DIPK1B: variants seen among roughly 807,000 people sequenced by gnomAD.
DIPK1B encodes the protein family with sequence similarity 69 member B.
In DIPK1B, 17 loss-of-function variants were observed where a neutral mutation model predicts 20.7. That is an observed-to-expected ratio of 0.82 (90% CI 0.56 to 1.23). DIPK1B has a LOEUF of 1.23. DIPK1B is among the 50% of genes most tolerant of loss of function. The pLI is 0.00. For synonymous variants in DIPK1B, 343 were observed against 276.5 expected (o/e 1.24, Z -2.39); for missense variants, 648 against 601.8 (o/e 1.08, Z -0.80).
chr9:136,717,564 C>T lies in DIPK1B; in HGVS notation c.64-13C>T, dbSNP rs1420446415. ...CCCGAGGGCACCTCCTCACGCAGCC[C>T]CTTCCCCCACAGGGCCGGCTCCCAG... On this transcript the variant is annotated splice_polypyrimidine_tract_variant and intron_variant, in intron 1 of 4. Transcript: ENST00000371692. 1.1e-5 allele frequency: 18 copies of T among 1,596,800 alleles called. No individual in the cohort carries two copies. The highest frequency in any genetic ancestry group is 4.0e-5 in the African/African-American group (3 of 74,882).
chr9:136,717,753 C>T, intron 2 of DIPK1B, 42 bp downstream of exon 2: 3 of 1,605,772 alleles, frequency 1.9e-6, no homozygotes, highest in Non-Finnish European at 2.5e-6. Context: ...GCCGTGCCCC[C>T]TGCTGCCCAA....
At chr9:136,715,462 G>C (rs761646063) in intron 1 of DIPK1B, among the ~76,000 whole-genome samples, 14 of 152,228 alleles carry the variant, frequency 9.2e-5, no homozygotes, top group Admixed American at 5.2e-4. Flanking sequence ...CCTAAAAGCC[G>C]GCTCCCAGAC....
In DIPK1B at chr9:136,723,139, C is replaced by T. The variant is rs35064056; in HGVS notation, c.661C>T (p.Leu221=). Reference sequence around the variant, plus strand: ...GCAGGAGAAGGAGCACGCCTCCAGACTGCTGGGCTACTGTGGGGACCTCTA... The same window carrying T: ...GCAGGAGAAGGAGCACGCCTCCAGATTGCTGGGCTACTGTGGGGACCTCTA... ...SLQEKEHASR[L]LGYCGDLYLT... is the part of the protein sequence containing the mutation. Residue 221 remains leucine (L), a synonymous_variant, in exon 5 of 5, where the codon CTG becomes TTG. Transcript: ENST00000371692. 1.4e-3 allele frequency: 2,190 copies of T among 1,613,532 alleles called. 21 individuals are homozygous for T. In the African/African-American group the frequency reaches 0.026, roughly 19 times the overall value.
intron 2 of DIPK1B, among the ~76,000 whole-genome samples, chr9:136,717,950 A>G (rs1588282105): frequency 1.8e-5 from 1 of 54,808 alleles, no homozygotes; most frequent in African/African-American, 7.5e-5. Context: ...GGTCCAGAGG[A>G]GGATGGGGGA....
intron 1 of DIPK1B, among the ~76,000 whole-genome samples, chr9:136,714,202 G>C (rs145570322): frequency 1.4e-3 from 210 of 152,328 alleles, no homozygotes; most frequent in African/African-American, 5.0e-3. Context: ...GCTGGGCAAG[G>C]TGGCTCCTGC....
chr9:136,718,917 G>A (rs1456566114), intron 2 of DIPK1B, among the ~76,000 whole-genome samples: 1 of 152,172 alleles, frequency 6.6e-6, no homozygotes, highest in Non-Finnish European at 1.5e-5. Context: ...CTGTGCCCAG[G>A]ACTTGTTTGG....
rs1564310152 is a variant in DIPK1B at position 136,721,942 on chromosome 9, A to G, written c.220A>G (p.Ile74Val). 1 of 1,612,990 alleles carries G rather than the reference A, an allele frequency of 6.2e-7. No individual in the cohort carries two copies. The change falls in exon 3 of 5, where the codon ATC becomes GTC. Residue 74 changes from isoleucine (I) to valine (V), a missense_variant. Physicochemically the swap from Ile to Val is conservative, Grantham distance 29. Coordinates refer to ENST00000371692, the MANE Select transcript of DIPK1B (RefSeq NM_152421.4). Reference sequence around the variant, plus strand: ...TCAGTGTGACCAGTACCGCAAGGGGATCATCTCGGGCTCCGTCTGCCAGGA... The same window carrying G: ...TCAGTGTGACCAGTACCGCAAGGGGGTCATCTCGGGCTCCGTCTGCCAGGA... ...VVICDQYRKG[I>V]ISGSVCQDLC...
At chr9:136,719,091 G>T (rs1222158622) in intron 2 of DIPK1B, among the ~76,000 whole-genome samples, 6 of 148,882 alleles carry the variant, frequency 4.0e-5, no homozygotes, top group African/African-American at 1.5e-4. Flanking sequence ...TGCACCCCTG[G>T]AGCTCCTAGA....
rs1321006515 is a variant in DIPK1B at position 136,724,559 on chromosome 9, G to T, written c.*785G>T. On this transcript the variant is annotated 3_prime_UTR_variant, in exon 5 of 5. Coordinates refer to ENST00000371692, the MANE Select transcript of DIPK1B (RefSeq NM_152421.4). Reference sequence around the variant, plus strand: ...ACAGCAACACCTTTCTTCAGGGCGGGCTCTGCTCCGCAATGTGTGAGTCAA... The same window carrying T: ...ACAGCAACACCTTTCTTCAGGGCGGTCTCTGCTCCGCAATGTGTGAGTCAA... 1 of 152,254 alleles carries T rather than the reference G, an allele frequency of 6.6e-6. No individual in the cohort carries two copies. Among genetic ancestry groups the T allele is most frequent in the African/African-American group, 2.4e-5 (1 of 41,438 alleles). 9.4% of individuals were successfully genotyped at this position (152,254 alleles called of 1,614,324 possible). A position where few individuals can be genotyped will look rare whatever the true frequency, so the allele number is the denominator to read the frequency against.
rs768332470 is a variant in DIPK1B at position 136,722,974 on chromosome 9, G to A, written c.496G>A (p.Asp166Asn). 1.2e-6 allele frequency: 2 copies of A among 1,605,086 alleles called. No homozygotes were observed. The highest frequency in any genetic ancestry group is 2.2e-5 in the East Asian group (1 of 44,618). Residue 166 changes from aspartate to asparagine, a missense_variant, in exon 5 of 5, where the codon GAC becomes AAC. Transcript: ENST00000371692. ...TLSFLKANLG[D>N]LPSLPALVGQ... ...TCCCAAACGCCAGGCGAACCTGGGA[G>A]ACCTGCCTTCCCTGCCGGCGCTGGT...
chr9:136,712,701 C>G lies in DIPK1B; in HGVS notation c.36C>G (p.Leu12=). The change falls in exon 1 of 5, where the codon CTC becomes CTG. Residue 12 remains leucine, a synonymous_variant. Coordinates refer to ENST00000371692, the MANE Select transcript of DIPK1B (RefSeq NM_152421.4). The surrounding 1 kb of genome is among the most constrained non-coding windows in gnomAD (Gnocchi z 5.6). The part of the protein sequence containing the change: ...RRLRRLAHLV[L]FCPFSKRLQG... Reference sequence around the variant, plus strand: ...TGCGGCGCCTGGCGCACCTGGTGCTCTTCTGCCCCTTCTCCAAGCGCCTGC... The same window carrying G: ...TGCGGCGCCTGGCGCACCTGGTGCTGTTCTGCCCCTTCTCCAAGCGCCTGC... The G allele has an allele frequency of 7.3e-7, 1 of 1,367,322 alleles. No homozygotes were observed. The highest frequency in any genetic ancestry group is 3.3e-5 in the Admixed American group (1 of 30,760). The allele number at this position is 1,367,322 out of a possible 1,614,324, so 84.7% of individuals were successfully genotyped here.
Position 136,717,594 on chromosome 9 carries a change from CAG to C in DIPK1B, c.82_83del (p.Arg28GlyfsTer40). The C allele has an allele frequency of 6.2e-7, 1 of 1,600,616 alleles. No homozygotes were observed. The highest frequency in any genetic ancestry group is 8.5e-7 in the Non-Finnish European group (1 of 1,179,786). ...KRLQGRLPGL[R>X]VRCIFLAWLG... is the part of the protein sequence containing the mutation. ...CCCCACAGGGCCGGCTCCCAGGCCT[CAG>C]GGTCCGCTGCATCTTCCTGGCCTGG... On this transcript the variant is annotated frameshift_variant, in exon 2 of 5. Transcript: ENST00000371692. LOFTEE classifies it high-confidence loss of function.
chr9:136,720,478 C>A (rs113446810), intron 2 of DIPK1B, among the ~76,000 whole-genome samples: 10 of 152,106 alleles, frequency 6.6e-5, no homozygotes, highest in Non-Finnish European at 1.2e-4. Flanking sequence ...TCTCCCCCCC[C>A]CAGAGGGGCG....
At position 136,722,307 on chromosome 9, in the gene DIPK1B, G is replaced by A. The variant is rs1253499381; in HGVS notation, c.483+6G>A. Reference sequence around the variant, plus strand: ...TGACCCTCAGCTTCCTCAAGGTCAGGCAGCTCTCCTAGGGGGCAGGGCAGG... The same window carrying A: ...TGACCCTCAGCTTCCTCAAGGTCAGACAGCTCTCCTAGGGGGCAGGGCAGG... On this transcript the variant is annotated splice_donor_region_variant and intron_variant, in intron 4 of 4. Coordinates refer to ENST00000371692, the MANE Select transcript of DIPK1B (RefSeq NM_152421.4). The A allele has an allele frequency of 2.5e-6, 4 of 1,610,058 alleles. No individual in the cohort carries two copies. In the African/African-American group the frequency reaches 4.0e-5, roughly 16 times the overall value.
At position 136,723,632 on chromosome 9, in the gene DIPK1B, T is replaced by A; in HGVS notation, c.1154T>A (p.Leu385His). The A allele has an allele frequency of 6.3e-7, 1 of 1,575,002 alleles. No individual in the cohort carries two copies. Among genetic ancestry groups the A allele is most frequent in the East Asian group, 2.3e-5 (1 of 42,872 alleles). Residue 385 changes from leucine (L) to histidine (H), a missense_variant, in exon 5 of 5, where the codon CTC (leucine) becomes CAC (histidine). By Grantham distance (99) the Leu-to-His change is moderately conservative. Transcript: ENST00000371692. The part of the protein sequence containing the change: ...GYLLPGAPAD[L>H]REELGTQLRT... The stretch of plus-strand genomic sequence containing the variant: ...CTGCTGCCTGGCGCGCCCGCCGACC[T>A]CCGCGAGGAGCTGGGCACACAGCTG...
At position 136,723,468 on chromosome 9, in the gene DIPK1B, G is replaced by A; in HGVS notation, c.990G>A (p.Gln330=). 5.6e-6 allele frequency: 9 copies of A among 1,610,650 alleles called. No homozygotes were observed. The highest frequency in any genetic ancestry group is 2.2e-5 in the South Asian group (2 of 90,920). ...APEATVRRFL[Q]GRRCEHSTDC... is the part of the protein sequence containing the mutation. ...AGGCCACCGTGCGCCGCTTCCTGCA[G>A]GGCCGCCGCTGCGAGCACAGCACCG... Residue 330 remains glutamine, a synonymous_variant, in exon 5 of 5, where the codon CAG becomes CAA. Transcript: ENST00000371692.
intron 2 of DIPK1B, among the ~76,000 whole-genome samples, chr9:136,720,013 GTGGTCTGGGGTTCCAGGCGCAGGGGC>G (rs1324782379): frequency 1.4e-5 from 2 of 147,750 alleles, no homozygotes; most frequent in South Asian, 2.2e-4. Flanking sequence ...AGGGGGCTGT[GTGGTCTGGGGTTCCAGGCGCAGGGGC>G]TGGTCTGGGG....
At chr9:136,718,736 C>T (rs1053383229) in intron 2 of DIPK1B, among the ~76,000 whole-genome samples, 6 of 152,186 alleles carry the variant, frequency 3.9e-5, no homozygotes, top group African/African-American at 9.7e-5. Context: ...GTGTCTCCTC[C>T]GTCAGATGGG....
At chr9:136,721,881 G>A in intron 2 of DIPK1B, 40 bp from the exon 3 acceptor site, 1 of 1,584,586 alleles carries the variant, frequency 6.3e-7, no homozygotes, top group African/African-American at 1.3e-5. Flanking sequence ...GGGCAGGGGT[G>A]TGGCTGCCCC....
Sources: gnomAD v4.1 joint callset for allele counts (sites outside exome capture counted in the v4.1 genomes callset) on GRCh38, gnomAD v4.1.1 for gene constraint, Gnocchi (gnomAD v3.1) non-coding constraint, MANE v1.5 for transcripts, NCBI Gene and HGNC (gene_info 2026-07-23, HGNC 2026-07-21) for gene names.